CAMTA1: variants seen among roughly 807,000 people sequenced by gnomAD.
CAMTA1 encodes calmodulin binding transcription activator 1.
Under a neutral mutation model 170.9 loss-of-function variants are expected in CAMTA1, and 27 were observed. The ratio of observed to expected loss-of-function variants is 0.16; its 90% CI spans 0.12 to 0.22. CAMTA1 has a LOEUF of 0.22. CAMTA1 is among the 10% of genes least tolerant of loss of function. CAMTA1 has a pLI of 1.00. For synonymous variants in CAMTA1, 833 were observed against 891.5 expected (o/e 0.93, Z 1.17); for missense variants, 1,619 against 2,217.2 (o/e 0.73, Z 5.42).
intron 3 of CAMTA1, among the ~76,000 whole-genome samples, chr1:6,979,425 G>T (rs146586518): frequency 2.8e-4 from 42 of 152,306 alleles, no homozygotes; most frequent in Non-Finnish European, 5.4e-4. Flanking sequence ...CATTTAAACC[G>T]TGTGCATATG....
chr1:7,209,349 A>T (rs995766839), intron 4 of CAMTA1, among the ~76,000 whole-genome samples: 13 of 152,212 alleles, frequency 8.5e-5, no homozygotes, highest in African/African-American at 2.9e-4. Flanking sequence ...AAAATATTGC[A>T]GATGTCATCT....
intron 4 of CAMTA1, among the ~76,000 whole-genome samples, chr1:7,108,515 C>T (rs1017944174): frequency 1.3e-5 from 2 of 152,120 alleles, no homozygotes; most frequent in Non-Finnish European, 2.9e-5. Flanking sequence ...ACTCTCACAT[C>T]ATCCTCGACT....
intron 3 of CAMTA1, among the ~76,000 whole-genome samples, chr1:6,961,880 AGAGTGCG>A (rs1690478344): frequency 3.9e-5 from 6 of 152,198 alleles, no homozygotes; most frequent in Admixed American, 6.5e-5. Context: ...GAGGACGGCC[AGAGTGCG>A]CCTTGCTCAG....
chr1:7,577,464 T>C (rs1410725306), intron 6 of CAMTA1, among the ~76,000 whole-genome samples: 1 of 152,134 alleles, frequency 6.6e-6, no homozygotes, highest in Non-Finnish European at 1.5e-5. Flanking sequence ...GTCGGGAATT[T>C]CACAGGCTCT....
chr1:7,090,066 G>T (rs969152616), intron 3 of CAMTA1, among the ~76,000 whole-genome samples: 6 of 152,174 alleles, frequency 3.9e-5, no homozygotes, highest in African/African-American at 1.2e-4. Context: ...CAGGCTTCCG[G>T]ACAGAGGTGG....
chr1:6,907,693 T>C (rs1432270798), intron 3 of CAMTA1, among the ~76,000 whole-genome samples: 1 of 152,084 alleles, frequency 6.6e-6, no homozygotes, highest in Admixed American at 6.5e-5. Flanking sequence ...GCCCAGGGCG[T>C]AAGGACGACC....
intron 6 of CAMTA1, among the ~76,000 whole-genome samples, chr1:7,496,229 C>G (rs958020186): frequency 6.6e-6 from 1 of 152,112 alleles, no homozygotes; most frequent in Admixed American, 6.5e-5. Flanking sequence ...AGTCCATGTG[C>G]GGGAGGAGGT....
rs1273166792 is a variant in CAMTA1 at position 6,899,537 on chromosome 1, AACGCGCAC to A, written c.234+74328_234+74335del. Among the ~76,000 whole-genome samples the A allele has an allele frequency of 8.7e-3, 1,112 of 128,518 alleles. 17 individuals carry two copies. Among genetic ancestry groups the A allele is most frequent in the African/African-American group, 0.03 (1,029 of 33,810 alleles). The allele number at this position is 128,518 out of a possible 152,430, so 84.3% of individuals were successfully genotyped here. On this transcript the variant is annotated intron_variant, in intron 3 of 22. Transcript: ENST00000303635. ...CGCTGTTAAAAAATTATATGTGTAT[AACGCGCAC>A]GCGCGCGCGCACACACACACACACA... is the stretch of plus-strand genomic sequence containing the variant.
chr1:7,661,806 G>A lies in CAMTA1; in HGVS notation c.745G>A (p.Asp249Asn), dbSNP rs778114036. 12 of 1,613,518 alleles carry A rather than the reference G, an allele frequency of 7.4e-6. No individual in the cohort carries two copies. The highest frequency in any genetic ancestry group is 1.0e-5 in the Non-Finnish European group (12 of 1,179,954). The change falls in exon 8 of 23, where the codon GAC (aspartate) becomes AAC (asparagine). Residue 249 changes from aspartate to asparagine, a missense_variant. Asp to Asn is a conservative substitution (Grantham distance 23). This residue lies in a region of CAMTA1 where 731 missense variants were observed against 907.6 expected (regional missense o/e 0.81). Transcript: ENST00000303635. The stretch of plus-strand genomic sequence containing the variant: ...GGAACAGCTGGTGCAGCAGATCCTC[G>A]ACAGCCACCAGACCAAGCCCCAGCC... ...SVEQLVQQIL[D>N]SHQTKPQPRT...
chr1:6,886,750 G>A (rs148542152), intron 3 of CAMTA1, among the ~76,000 whole-genome samples: 10 of 152,370 alleles, frequency 6.6e-5, no homozygotes, highest in African/African-American at 2.4e-4. Flanking sequence ...ACAGTGTGGA[G>A]TGTTTTATCT....
At chr1:7,179,274 A>G (rs1190665646) in intron 4 of CAMTA1, among the ~76,000 whole-genome samples, 1 of 152,268 alleles carries the variant, frequency 6.6e-6, no homozygotes, top group Non-Finnish European at 1.5e-5. Context: ...TATAAAGCAG[A>G]TACTGCAAAA....
At chr1:6,909,163 A>T (rs1017530333) in intron 3 of CAMTA1, among the ~76,000 whole-genome samples, 1 of 152,200 alleles carries the variant, frequency 6.6e-6, no homozygotes, top group African/African-American at 2.4e-5. Context: ...AACTCAATTT[A>T]TTTGTCTGCT....
intron 3 of CAMTA1, among the ~76,000 whole-genome samples, chr1:6,870,440 C>A (rs1668082461): frequency 6.6e-6 from 1 of 152,062 alleles, no homozygotes; most frequent in African/African-American, 2.4e-5. Flanking sequence ...TTTAACAAAA[C>A]CTAATCACAG....
chr1:6,819,008 A>AGTG (rs1329820720), intron 1 of CAMTA1, among the ~76,000 whole-genome samples: 2 of 151,980 alleles, frequency 1.3e-5, no homozygotes, highest in Non-Finnish European at 2.9e-5. Context: ...GCAGGAGTGT[A>AGTG]GTGGTGTTAT....
intron 5 of CAMTA1, among the ~76,000 whole-genome samples, chr1:7,419,247 C>T (rs1163468522): frequency 2.0e-5 from 3 of 152,210 alleles, no homozygotes; most frequent in Non-Finnish European, 4.4e-5. Context: ...CCTCCACCTC[C>T]TGGGTTTAAA....
intron 3 of CAMTA1, among the ~76,000 whole-genome samples, chr1:6,863,075 ATG>A (rs1407048080): frequency 6.6e-6 from 1 of 152,210 alleles, no homozygotes; most frequent in Non-Finnish European, 1.5e-5. Flanking sequence ...ATGTAATTTG[ATG>A]TGTGTGTACA....
intron 3 of CAMTA1, among the ~76,000 whole-genome samples, chr1:6,941,686 G>T (rs1686657276): frequency 6.6e-6 from 1 of 152,214 alleles, no homozygotes; most frequent in African/African-American, 2.4e-5. Flanking sequence ...CGTCCTTCAT[G>T]GGTGAGAGTC....
chr1:7,212,381 A>G (rs566363534), intron 4 of CAMTA1, among the ~76,000 whole-genome samples: 3 of 152,276 alleles, frequency 2.0e-5, no homozygotes, highest in African/African-American at 7.2e-5. Context: ...CTCCCCACAC[A>G]TGGGTAACCA....
chr1:7,622,939 C>A (rs555156292), intron 6 of CAMTA1, among the ~76,000 whole-genome samples: 1 of 152,224 alleles, frequency 6.6e-6, no homozygotes, highest in Admixed American at 6.5e-5. Context: ...GAGCCCGAGT[C>A]TGTCCTGAGG....
Sources: gnomAD v4.1 joint callset for allele counts (sites outside exome capture counted in the v4.1 genomes callset) on GRCh38, gnomAD v4.1.1 for gene constraint, gnomAD v4.1.1 regional missense constraint, MANE v1.5 for transcripts, NCBI Gene and HGNC (gene_info 2026-07-23, HGNC 2026-07-21) for gene names.